NRXN1: variants seen among roughly 807,000 people sequenced by gnomAD.
NRXN1 encodes neurexin-1.
Under a neutral mutation model 150.9 loss-of-function variants are expected in NRXN1, and 39 were observed. The observed-to-expected ratio is 0.26, with a 90% CI of 0.20 to 0.34. NRXN1 has a LOEUF of 0.34. NRXN1 is among the 10% of genes least tolerant of loss of function. The probability of loss-of-function intolerance (pLI) is 1.00; values close to 1 mark genes in which losing one functional copy is unlikely to be tolerated. For missense variants in NRXN1, 1,815 were observed against 1,949.9 expected, an observed-to-expected ratio of 0.93 and a Z score of 1.30; for synonymous variants, 924 against 757.0, an observed-to-expected ratio of 1.22 and a Z score of -3.62.
intron 5 of NRXN1, among the ~76,000 whole-genome samples, chr2:50,745,540 T>C (rs1348373428): frequency 2.6e-5 from 4 of 151,920 alleles, no homozygotes; most frequent in African/African-American, 2.4e-5. Context: ...TGGTGAGACA[T>C]AGTGTGGTAT....
In NRXN1 at chr2:50,694,897, G is replaced by A. The variant is rs188236943; in HGVS notation, c.833-71282C>T. ...TTAATTGCGGGGTATTCTCTTGATT[G>A]GGTACTTTAGATCCTGGTGACTGTT... On this transcript the variant is annotated intron_variant, in intron 5 of 22. Coordinates refer to ENST00000401669, the MANE Select transcript of NRXN1 (RefSeq NM_001330078.2). Among the ~76,000 whole-genome samples, 684 of 152,222 alleles carry A rather than the reference G, an allele frequency of 4.5e-3. 1 individual carries two copies. Among genetic ancestry groups the A allele is most frequent in the Middle Eastern group, 6.8e-3 (2 of 294 alleles).
intron 5 of NRXN1, among the ~76,000 whole-genome samples, chr2:50,891,838 C>A (rs1475232182): frequency 6.6e-6 from 1 of 152,054 alleles, no homozygotes; most frequent in Non-Finnish European, 1.5e-5. Context: ...GACTTCTCAA[C>A]ATATTCACTT....
chr2:49,959,997 G>A (rs1390254072), intron 21 of NRXN1, among the ~76,000 whole-genome samples: 1 of 152,034 alleles, frequency 6.6e-6, no homozygotes, highest in Non-Finnish European at 1.5e-5. Context: ...TTTGCTTTTT[G>A]ACTTTTAAAC....
At chr2:50,147,259 T>A (rs2058397651) in intron 18 of NRXN1, among the ~76,000 whole-genome samples, 1 of 151,728 alleles carries the variant, frequency 6.6e-6, no homozygotes, top group Non-Finnish European at 1.5e-5. Context: ...ATAAGTGCCT[T>A]AGAAGATTCC....
rs547192724 is a variant in NRXN1, at chr2:50,136,095, G to A, written c.3547-44601C>T. ...TCTAACAAAATCTCCTTGTTCGGAA[G>A]AGTCAAAGGAATAAATGGTTGGAAG... On this transcript the variant is annotated intron_variant, in intron 18 of 22. Coordinates refer to ENST00000401669, the MANE Select transcript of NRXN1 (RefSeq NM_001330078.2). 2.0e-5 allele frequency among the ~76,000 whole-genome samples: 3 copies of A among 152,250 alleles called. No individual in the cohort carries two copies. In the East Asian group the frequency reaches 5.8e-4, roughly 29 times the overall value.
intron 5 of NRXN1, among the ~76,000 whole-genome samples, chr2:50,726,795 A>G (rs1697414960): frequency 6.6e-6 from 1 of 152,198 alleles, no homozygotes; most frequent in Non-Finnish European, 1.5e-5. Flanking sequence ...GTCATTTTAA[A>G]TCCCTAATGG....
At chr2:50,273,216 G>T (rs890432933) in intron 17 of NRXN1, among the ~76,000 whole-genome samples, 2 of 152,092 alleles carry the variant, frequency 1.3e-5, no homozygotes, top group Non-Finnish European at 2.9e-5. Flanking sequence ...GGAAAATTTG[G>T]CAATCTACCA....
chr2:50,632,422 G>A (rs761629255), intron 5 of NRXN1: 11 of 152,002 alleles, frequency 7.2e-5, no homozygotes, highest in Non-Finnish European at 1.5e-4. Flanking sequence ...TGGTGAAAGT[G>A]AAATTGCTTT....
intron 5 of NRXN1, among the ~76,000 whole-genome samples, chr2:50,859,071 C>T (rs1271081436): frequency 2.0e-5 from 3 of 151,996 alleles, no homozygotes; most frequent in Non-Finnish European, 2.9e-5. Flanking sequence ...CTACCCTGTT[C>T]CGAGTTGGTA....
chr2:50,818,667 G>T (rs1160445679), intron 5 of NRXN1, among the ~76,000 whole-genome samples: 1 of 151,698 alleles, frequency 6.6e-6, no homozygotes, highest in Admixed American at 6.6e-5. Flanking sequence ...GAGGAAAATT[G>T]GACAAATAAG....
At chr2:50,151,591 T>C (rs1299246419) in intron 18 of NRXN1, among the ~76,000 whole-genome samples, 2 of 151,736 alleles carry the variant, frequency 1.3e-5, no homozygotes, top group East Asian at 3.9e-4. Flanking sequence ...GCTCCAAAGC[T>C]TTAAAACAAG....
chr2:50,208,202 A>G (rs1234367695), intron 18 of NRXN1, among the ~76,000 whole-genome samples: 2 of 152,030 alleles, frequency 1.3e-5, no homozygotes, highest in Non-Finnish European at 2.9e-5. Flanking sequence ...TCAGCCAGTA[A>G]CTCACACTAC....
chr2:50,762,923 C>A (rs191434069), intron 5 of NRXN1, among the ~76,000 whole-genome samples: 18 of 152,054 alleles, frequency 1.2e-4, no homozygotes, highest in African/African-American at 3.1e-4. Context: ...CAAAGTGGTG[C>A]AAGCTTCTTG....
chr2:50,945,617 G>C lies in NRXN1; in HGVS notation c.773-19662C>G, dbSNP rs143687554. 3.4e-3 allele frequency among the ~76,000 whole-genome samples: 519 copies of C among 151,644 alleles called. 3 individuals are homozygous for C. The highest frequency in any genetic ancestry group is 0.012 in the African/African-American group (479 of 41,344). On this transcript the variant is annotated intron_variant, in intron 2 of 22. Transcript: ENST00000401669. ...TATACACCATAGTTTGTTTAACCCT[G>C]AGCCATAGTTTGCTCATCCCTGACC... is the stretch of plus-strand genomic sequence containing the variant.
chr2:50,512,509 G>T (rs1267336768), intron 12 of NRXN1, among the ~76,000 whole-genome samples: 1 of 152,152 alleles, frequency 6.6e-6, no homozygotes, highest in Non-Finnish European at 1.5e-5. Flanking sequence ...CTAAGTGAAT[G>T]TATTTAAGAA....
At chr2:49,959,990 G>T (rs1675641740) in intron 21 of NRXN1, among the ~76,000 whole-genome samples, 1 of 152,110 alleles carries the variant, frequency 6.6e-6, no homozygotes, top group East Asian at 1.9e-4. Flanking sequence ...GTTCTCTTTT[G>T]CTTTTTGACT....
At chr2:50,665,149 C>T (rs569541585) in intron 5 of NRXN1, among the ~76,000 whole-genome samples, 1 of 151,958 alleles carries the variant, frequency 6.6e-6, no homozygotes, top group South Asian at 2.1e-4. Context: ...TTTGTGTGAC[C>T]TACAATAAGG....
intron 10 of NRXN1, among the ~76,000 whole-genome samples, chr2:50,533,025 T>A (rs1394792618): frequency 6.6e-6 from 1 of 152,192 alleles, no homozygotes; most frequent in Non-Finnish European, 1.5e-5. Flanking sequence ...ATTAGGACTA[T>A]ATTTAGAGTT....
At chr2:50,163,692 T>A (rs1188114912) in intron 18 of NRXN1, among the ~76,000 whole-genome samples, 1 of 152,196 alleles carries the variant, frequency 6.6e-6, no homozygotes, top group Admixed American at 6.5e-5. Context: ...TTGGTCCTTA[T>A]TCTGAATGTT....
Sources: gnomAD v4.1 joint callset for allele counts (sites outside exome capture counted in the v4.1 genomes callset) on GRCh38, gnomAD v4.1.1 for gene constraint, MANE v1.5 for transcripts, NCBI Gene and HGNC (gene_info 2026-07-23, HGNC 2026-07-21) for gene names.